The following PDZD4 variants were observed in gnomAD, a reference collection of about 807,000 sequenced individuals.
PDZD4 encodes PDZ domain containing 4.
In PDZD4, 9 loss-of-function variants were observed where a neutral mutation model predicts 38.5. That is an observed-to-expected ratio of 0.23 (90% CI 0.14 to 0.41). The LOEUF (loss-of-function observed/expected upper bound fraction) is 0.41, where lower values mean the gene tolerates loss of function less well. Ranked by LOEUF, PDZD4 falls within the 10% of genes least tolerant of loss-of-function variation. PDZD4 has a pLI of 1.00. For missense variants in PDZD4, 612 were observed against 722.0 expected (o/e 0.85, Z 1.75); for synonymous variants, 349 against 315.7 (o/e 1.11, Z -1.12).
intron 6 of PDZD4, 75 bp from the exon 7 acceptor site, chrX:153,805,282 C>T (rs995517084): frequency 1.7e-4 from 158 of 954,761 alleles, no homozygotes; most frequent in East Asian, 6.2e-4. Flanking sequence ...CTCTGGACCC[C>T]GCACTTGGCT....
chrX:153,804,623 G>T lies in PDZD4; in HGVS notation c.1058C>A (p.Pro353Gln), dbSNP rs782403197. 6.6e-6 allele frequency: 8 copies of T among 1,209,452 alleles called. No homozygotes were observed. In the South Asian group the frequency reaches 1.4e-4, roughly 21 times the overall value. The change falls in exon 8 of 8, where the codon CCG becomes CAG. Residue 353 changes from proline to glutamine, a missense_variant. By Grantham distance (76) the Pro-to-Gln change is moderately conservative. Around this residue, in one of 3 missense-constraint regions of PDZD4, gnomAD observed 300 missense variants for 284.6 expected, o/e 1.05. Coordinates refer to ENST00000393758, the MANE Select transcript of PDZD4 (RefSeq NM_001303512.2). ...EGAGLGGGDVPGLTDEEYERY... is the reference protein window; with the variant it reads ...EGAGLGGGDVQGLTDEEYERY... ...CTCATACTCCTCATCCGTGAGGCCC[G>T]GGACGTCGCCCCCTCCCAGCCCCGC...
chrX:153,805,619 G>A lies in PDZD4; in HGVS notation c.568-13C>T. 2 of 1,189,190 alleles carry A rather than the reference G, an allele frequency of 1.7e-6. No homozygotes were observed. The highest frequency in any genetic ancestry group is 2.2e-5 in the Admixed American group (1 of 46,106). ...CTACACCGTTAATCTGAGGCAGGCA[G>A]GATACAATCAACAAGCATGCTAGGG... On this transcript the variant is annotated splice_polypyrimidine_tract_variant and intron_variant, in intron 5 of 7. Coordinates refer to ENST00000393758, the MANE Select transcript of PDZD4 (RefSeq NM_001303512.2).
At chrX:153,809,871 C>T (rs912089238) in intron 1 of PDZD4, among the ~76,000 whole-genome samples, 17 of 112,868 alleles carry the variant, frequency 1.5e-4, no homozygotes, top group Admixed American at 4.6e-4. Context: ...AGCAGCTCTG[C>T]GGGATGCTGT....
At chrX:153,805,680 G>T in intron 5 of PDZD4, 74 bp from the exon 6 acceptor site, 1 of 848,495 alleles carries the variant, frequency 1.2e-6, no homozygotes, top group Non-Finnish European at 1.7e-6. Flanking sequence ...GGTGCAGGGA[G>T]CCCAAGCACT....
intron 7 of PDZD4, 93 bp downstream of exon 7, chrX:153,805,004 T>C (rs2092206745): frequency 2.7e-6 from 3 of 1,112,641 alleles, no homozygotes; most frequent in Non-Finnish European, 3.7e-6. Context: ...TTCATTTCCC[T>C]GCCAAGCATT....
At chrX:153,813,163 T>A (rs1557079127) in intron 1 of PDZD4, among the ~76,000 whole-genome samples, 1 of 111,833 alleles carries the variant, frequency 8.9e-6, no homozygotes, top group African/African-American at 3.3e-5. Flanking sequence ...GAAGCAATAA[T>A]GGAAGAGATG....
rs1557077990 is a variant in PDZD4, at chrX:153,808,483, C to T, written c.173G>A (p.Gly58Glu). 2 of 1,211,206 alleles carry T rather than the reference C, an allele frequency of 1.7e-6. No homozygotes were observed. The highest frequency in any genetic ancestry group is 2.2e-6 in the Non-Finnish European group (2 of 895,389). ...CTGCAGGTCGTGACAGGAGCTGTCC[C>T]CCCGGAGGCGGGGGCTGCGTCTCAG... ...QVLRRSPRLRGDSSCHDLQLV... is the reference protein window; with the variant it reads ...QVLRRSPRLREDSSCHDLQLV... Residue 58 changes from glycine (G) to glutamate (E), a missense_variant, in exon 2 of 8, where the codon GGG becomes GAG. Transcript: ENST00000393758.
intron 1 of PDZD4, among the ~76,000 whole-genome samples, chrX:153,828,859 A>T (rs73640830): frequency 1.8e-5 from 2 of 111,728 alleles, no homozygotes; most frequent in African/African-American, 6.5e-5. Context: ...CCTGGAATCC[A>T]ACACGGATTC....
intron 1 of PDZD4, among the ~76,000 whole-genome samples, chrX:153,828,983 G>C (rs2064511095): frequency 1.8e-5 from 2 of 112,010 alleles, no homozygotes; most frequent in African/African-American, 6.5e-5. Context: ...GAACTGAGAG[G>C]GAAGAAGGCG....
chrX:153,824,837 A>G (rs909761324), intron 1 of PDZD4, among the ~76,000 whole-genome samples: 2 of 111,457 alleles, frequency 1.8e-5, no homozygotes, highest in Non-Finnish European at 3.8e-5. Context: ...CATCTCTACT[A>G]AAAATACAAA....
rs1557077406 is a variant in PDZD4 at position 153,807,272 on chromosome X, G to A, written c.405+7C>T. The A allele has an allele frequency of 5.8e-6, 7 of 1,208,211 alleles. No individual in the cohort carries two copies. Among genetic ancestry groups the A allele is most frequent in the Non-Finnish European group, 7.8e-6 (7 of 894,038 alleles). On this transcript the variant is annotated splice_region_variant and intron_variant, in intron 3 of 7. Transcript: ENST00000393758. ...GCTGCGGGCCCTGGCCTGGCCACCC[G>A]GCTCACCTCATACTCCAGCTCATCC... is the stretch of plus-strand genomic sequence containing the variant.
intron 1 of PDZD4, among the ~76,000 whole-genome samples, chrX:153,813,669 CCTT>C (rs782232260): frequency 2.7e-5 from 3 of 112,105 alleles, no homozygotes; most frequent in East Asian, 2.8e-4. Context: ...GCTTTTAATA[CCTT>C]CTTCAAGGAA....
chrX:153,817,016 C>T (rs1557080123), intron 1 of PDZD4, among the ~76,000 whole-genome samples: 1 of 111,020 alleles, frequency 9.0e-6, no homozygotes, highest in Admixed American at 9.6e-5. Flanking sequence ...CCGGCCAGTA[C>T]GCACAGAGGA....
chrX:153,804,624 G>A lies in PDZD4; in HGVS notation c.1057C>T (p.Pro353Ser), dbSNP rs1557076222. Reference protein sequence around the residue: ...EGAGLGGGDVPGLTDEEYERY... With the variant: ...EGAGLGGGDVSGLTDEEYERY... ...TCATACTCCTCATCCGTGAGGCCCG[G>A]GACGTCGCCCCCTCCCAGCCCCGCC... Residue 353 changes from proline (P) to serine (S), a missense_variant, in exon 8 of 8, where the codon CCG becomes TCG. This residue lies in a region of PDZD4 where 300 missense variants were observed against 284.6 expected (regional missense o/e 1.05). Transcript: ENST00000393758. 2.5e-6 allele frequency: 3 copies of A among 1,209,651 alleles called. No homozygotes were observed. Among genetic ancestry groups the A allele is most frequent in the South Asian group, 1.8e-5 (1 of 56,996 alleles).
Position 153,803,888 on chromosome X carries a change from C to A in PDZD4, c.1793G>T (p.Gly598Val). The change falls in exon 8 of 8, where the codon GGC becomes GTC. Residue 598 changes from glycine (G) to valine (V), a missense_variant. Physicochemically the swap from Gly to Val is moderately radical, Grantham distance 109. Coordinates refer to ENST00000393758, the MANE Select transcript of PDZD4 (RefSeq NM_001303512.2). ...GGGGCCGTGGCCCAGCTCCTCCAGG[C>A]CTCGCGTCGGGGCCAGCTGCACGCA... ...HSCVQLAPTR[G>V]LEELGHGPLS... 6 of 1,181,954 alleles carry A rather than the reference C, an allele frequency of 5.1e-6. No individual in the cohort carries two copies. Among genetic ancestry groups the A allele is most frequent in the Non-Finnish European group, 6.8e-6 (6 of 883,266 alleles).
At chrX:153,828,327 CTCG>C (rs1387940351) in intron 1 of PDZD4, among the ~76,000 whole-genome samples, 3 of 112,661 alleles carry the variant, frequency 2.7e-5, no homozygotes, top group Non-Finnish European at 3.8e-5. Flanking sequence ...GATGGTTCTC[CTCG>C]TAAAATCCCG....
At position 153,820,349 on chromosome X, in the gene PDZD4, C is replaced by CAAAA. The variant is rs140401659; in HGVS notation, c.60+9886_60+9889dup. 2.5e-3 allele frequency among the ~76,000 whole-genome samples: 45 copies of CAAAA among 18,217 alleles called. 5 individuals are homozygous for CAAAA. The highest frequency in any genetic ancestry group is 7.8e-3 in the African/African-American group (27 of 3,456). The allele number at this position is 18,217 out of a possible 115,157, so 15.8% of individuals were successfully genotyped here. ...TGGGCGACAGAGCAAGACTCCATCT[C>CAAAA]AAAAAAAAAAAAAAAAAAAAAAAAA... On this transcript the variant is annotated intron_variant, in intron 1 of 7. Coordinates refer to ENST00000393758, the MANE Select transcript of PDZD4 (RefSeq NM_001303512.2).
In PDZD4 at chrX:153,803,368, T is replaced by C. The variant is rs370790531; in HGVS notation, c.2313A>G (p.Ser771=). Reference sequence around the variant, plus strand: ...CCCGGGCAGCTCACACGGTGGTGACTGAGAGAAGAGGGTTGTAGACCCGCT... The same window carrying C: ...CCCGGGCAGCTCACACGGTGGTGACCGAGAGAAGAGGGTTGTAGACCCGCT... ...DGKRVYNPLL[S]VTTV is the part of the protein sequence containing the mutation. Residue 771 remains serine, a synonymous_variant, in exon 8 of 8, where the codon TCA becomes TCG. Coordinates refer to ENST00000393758, the MANE Select transcript of PDZD4 (RefSeq NM_001303512.2). 41 of 1,134,066 alleles carry C rather than the reference T, an allele frequency of 3.6e-5. No individual in the cohort carries two copies. The highest frequency in any genetic ancestry group is 3.5e-4 in the African/African-American group (19 of 54,564). 93.5% of individuals were successfully genotyped at this position (1,134,066 alleles called of 1,213,427 possible).
intron 1 of PDZD4, among the ~76,000 whole-genome samples, chrX:153,819,299 G>A (rs1292674072): frequency 8.8e-6 from 1 of 113,220 alleles, no homozygotes; most frequent in Non-Finnish European, 1.9e-5. Context: ...CGCACAGCCG[G>A]GTGGGGCGCG....
Sources: gnomAD v4.1 joint callset for allele counts (sites outside exome capture counted in the v4.1 genomes callset) on GRCh38, gnomAD v4.1.1 for gene constraint, gnomAD v4.1.1 regional missense constraint, MANE v1.5 for transcripts, NCBI Gene and HGNC (gene_info 2026-07-23, HGNC 2026-07-21) for gene names.